The following CMTM4 variants were observed in gnomAD, a reference collection of about 807,000 sequenced individuals.
CMTM4 encodes CKLF-like MARVEL transmembrane domain-containing protein 4.
A neutral mutation model predicts 19.0 loss-of-function variants in CMTM4; 8 were observed. That is an observed-to-expected ratio of 0.42 (90% CI 0.25 to 0.76). The LOEUF (loss-of-function observed/expected upper bound fraction) is 0.76, where lower values mean the gene tolerates loss of function less well. CMTM4 is among the 30% of genes least tolerant of loss of function. CMTM4 has a pLI of 0.27. For synonymous variants in CMTM4, 106 were observed against 121.1 expected (o/e 0.88, Z 0.82); for missense variants, 228 against 290.2 (o/e 0.79, Z 1.56).
chr16:66,683,658 C>T (rs980718354), intron 1 of CMTM4, among the ~76,000 whole-genome samples: 1 of 151,934 alleles, frequency 6.6e-6, no homozygotes, highest in Admixed American at 6.6e-5. Context: ...GGTTTAGACA[C>T]GGGATACAGC....
At chr16:66,686,546 C>CAAAAAA (rs35913878) in intron 1 of CMTM4, among the ~76,000 whole-genome samples, 1 of 87,238 alleles carries the variant, frequency 1.1e-5, no homozygotes, top group Non-Finnish European at 2.2e-5. Flanking sequence ...GACTCTGTCT[C>CAAAAAA]AAAAAAAAAA....
the CMTM4 span, among the ~76,000 whole-genome samples, chr16:66,605,870 C>T: frequency 6.6e-6 from 1 of 152,118 alleles, no homozygotes; most frequent in Non-Finnish European, 1.5e-5. This position sits in a 1 kb window ranked among gnomAD's most constrained non-coding sequence, Gnocchi z 4.6. Flanking sequence ...GTCCTGCAGC[C>T]TCTCCCACGG....
chr16:66,619,485 T>G lies in CMTM4; in HGVS notation c.*2573A>C. 1 of 985,426 alleles carries G rather than the reference T, an allele frequency of 1.0e-6. No individual in the cohort carries two copies. The highest frequency in any genetic ancestry group is 1.7e-5 in the African/African-American group (1 of 57,358). 61.0% of individuals were successfully genotyped at this position (985,426 alleles called of 1,614,324 possible). A position where few individuals can be genotyped will look rare whatever the true frequency, so the allele number is the denominator to read the frequency against. On this transcript the variant is annotated 3_prime_UTR_variant, in exon 4 of 4. Transcript: ENST00000394106. ...AGCCTTCAAATGCCCCAAACCAAAC[T>G]GATATTGGTCCCTATTGAAACTATT...
the CMTM4 span, among the ~76,000 whole-genome samples, chr16:66,609,156 C>A: frequency 6.6e-6 from 1 of 151,726 alleles, no homozygotes; most frequent in Non-Finnish European, 1.5e-5. This position sits in a 1 kb window ranked among gnomAD's most constrained non-coding sequence, Gnocchi z 4.4. Flanking sequence ...GCTTCCACCG[C>A]ATCGCAGGGC....
At chr16:66,644,304 G>A (rs187358320) in intron 1 of CMTM4, among the ~76,000 whole-genome samples, 5 of 152,270 alleles carry the variant, frequency 3.3e-5, no homozygotes, top group African/African-American at 9.6e-5. Context: ...ATGACATGAC[G>A]TTGCTCGAAA....
intron 1 of CMTM4, among the ~76,000 whole-genome samples, chr16:66,694,718 A>G (rs575039409): frequency 6.9e-4 from 104 of 149,956 alleles, no homozygotes; most frequent in African/African-American, 2.5e-3. Flanking sequence ...ATCTCAAAAA[A>G]AAAAAAAAAA....
intron 1 of CMTM4, among the ~76,000 whole-genome samples, chr16:66,675,994 G>C (rs2016803174): frequency 6.6e-6 from 1 of 151,516 alleles, no homozygotes; most frequent in African/African-American, 2.4e-5. Context: ...CAAGGAACTG[G>C]AACTATAAGC....
rs547035887 is a variant in CMTM4 at position 66,678,122 on chromosome 16, G to A, written c.186+18218C>T. 2.0e-4 allele frequency among the ~76,000 whole-genome samples: 30 copies of A among 152,164 alleles called. 1 individual carries two copies. The highest frequency in any genetic ancestry group is 8.8e-5 in the Non-Finnish European group (6 of 68,028). The stretch of plus-strand genomic sequence containing the variant: ...AGCCCAGGAATTCAAGGTGCAGTGA[G>A]CCATGATCACACCACTGTACTCTAG... On this transcript the variant is annotated intron_variant, in intron 1 of 3. Transcript: ENST00000394106.
intron 1 of CMTM4, among the ~76,000 whole-genome samples, chr16:66,691,468 AAGAGGAAGGATTGCTTGAGCTCACG>A (rs1374645450): frequency 6.6e-6 from 1 of 152,146 alleles, no homozygotes; most frequent in Non-Finnish European, 1.5e-5. Flanking sequence ...TGGGAAGCCG[AAGAGGAAGGATTGCTTGAGCTCACG>A]AGTTTGAAAC....
Position 66,620,982 on chromosome 16 carries a change from C to T in CMTM4, c.*1076G>A. On this transcript the variant is annotated 3_prime_UTR_variant, in exon 4 of 4. Coordinates refer to ENST00000394106, the MANE Select transcript of CMTM4 (RefSeq NM_181521.3). ...AAGAATGATGTCTACAGTTATGACACTGAGGCGCCCAAAGCGACAATTAGT... is the reference window on the plus strand; with the variant it reads ...AAGAATGATGTCTACAGTTATGACATTGAGGCGCCCAAAGCGACAATTAGT... 1 of 985,850 alleles carries T rather than the reference C, an allele frequency of 1.0e-6. No individual in the cohort carries two copies. The highest frequency in any genetic ancestry group is 1.2e-6 in the Non-Finnish European group (1 of 829,938). The allele number at this position is 985,850 out of a possible 1,614,324, so 61.1% of individuals were successfully genotyped here. A position where few individuals can be genotyped will look rare whatever the true frequency, so the allele number is the denominator to read the frequency against.
chr16:66,667,491 T>C (rs1280068673), intron 1 of CMTM4, among the ~76,000 whole-genome samples: 1 of 152,188 alleles, frequency 6.6e-6, no homozygotes, highest in Admixed American at 6.6e-5. Context: ...TCATATGTAA[T>C]ATCACACCTA....
chr16:66,651,592 T>TCCA (rs1299150827), intron 1 of CMTM4, among the ~76,000 whole-genome samples: 1 of 152,152 alleles, frequency 6.6e-6, no homozygotes. Context: ...GCCTAACATA[T>TCCA]GACTTATCCA....
Position 66,619,057 on chromosome 16 carries a change from T to G in CMTM4, c.*3001A>C, listed in dbSNP as rs546815384. The G allele has an allele frequency of 2.0e-6, 2 of 985,374 alleles. No homozygotes were observed. The highest frequency in any genetic ancestry group is 2.4e-6 in the Non-Finnish European group (2 of 829,948). 61.0% of individuals were successfully genotyped at this position (985,374 alleles called of 1,614,324 possible). ...ATGGCTGTTTACTTCAAATCAAACT[T>G]CTCTGACGAGATTTTAATCTGAAAC... On this transcript the variant is annotated 3_prime_UTR_variant, in exon 4 of 4. Coordinates refer to ENST00000394106, the MANE Select transcript of CMTM4 (RefSeq NM_181521.3).
the CMTM4 span, among the ~76,000 whole-genome samples, chr16:66,608,786 C>T: frequency 6.6e-6 from 1 of 152,216 alleles, no homozygotes; most frequent in Admixed American, 6.5e-5. The surrounding 1 kb of genome is among the most constrained non-coding windows in gnomAD (Gnocchi z 5.1). Context: ...AAGCCATTTC[C>T]ACGTGGGCAG....
intron 1 of CMTM4, among the ~76,000 whole-genome samples, chr16:66,687,486 C>T (rs1305065400): frequency 6.6e-6 from 1 of 151,742 alleles, no homozygotes; most frequent in Non-Finnish European, 1.5e-5. Context: ...GGCAACATAG[C>T]GAGACCGTCT....
At position 66,622,499 on chromosome 16, in the gene CMTM4, T is replaced by A. The variant is rs2015658643; in HGVS notation, c.463-277A>T. 6.6e-6 allele frequency among the ~76,000 whole-genome samples: 1 copy of A among 152,244 alleles called. No homozygotes were observed. The highest frequency in any genetic ancestry group is 2.4e-5 in the African/African-American group (1 of 41,470). Reference sequence around the variant, plus strand: ...CACACCACAGCTGAGTCTCTAGTCATGTGACACACAGAAAATCTTGCCTGA... The same window carrying A: ...CACACCACAGCTGAGTCTCTAGTCAAGTGACACACAGAAAATCTTGCCTGA... On this transcript the variant is annotated intron_variant, in intron 3 of 3. Coordinates refer to ENST00000394106, the MANE Select transcript of CMTM4 (RefSeq NM_181521.3). This position sits in a 1 kb window ranked among gnomAD's most constrained non-coding sequence, Gnocchi z 4.0.
chr16:66,640,206 CAA>C (rs1382920582), intron 1 of CMTM4, among the ~76,000 whole-genome samples: 2 of 152,070 alleles, frequency 1.3e-5, no homozygotes. Flanking sequence ...GAGGCTGAAA[CAA>C]GAGAACTGCT....
At chr16:66,675,381 C>A (rs992277743) in intron 1 of CMTM4, among the ~76,000 whole-genome samples, 1 of 149,214 alleles carries the variant, frequency 6.7e-6, no homozygotes, top group Non-Finnish European at 1.5e-5. Flanking sequence ...GCCCAGCCAA[C>A]AGCCAGAATT....
chr16:66,618,540 T>A lies in CMTM4; in HGVS notation c.*3518A>T. 2 of 985,478 alleles carry A rather than the reference T, an allele frequency of 2.0e-6. No homozygotes were observed. Among genetic ancestry groups the A allele is most frequent in the Non-Finnish European group, 2.4e-6 (2 of 829,978 alleles). 61.0% of individuals were successfully genotyped at this position (985,478 alleles called of 1,614,324 possible). ...ACATGGATAGGTGACGGGTTTCTCA[T>A]GTGAATCTACAAGAAAAGGTACGCC... On this transcript the variant is annotated 3_prime_UTR_variant, in exon 4 of 4. Coordinates refer to ENST00000394106, the MANE Select transcript of CMTM4 (RefSeq NM_181521.3).
Sources: gnomAD v4.1 joint callset for allele counts (sites outside exome capture counted in the v4.1 genomes callset) on GRCh38, gnomAD v4.1.1 for gene constraint, Gnocchi (gnomAD v3.1) non-coding constraint, MANE v1.5 for transcripts, NCBI Gene and HGNC (gene_info 2026-07-23, HGNC 2026-07-21) for gene names.